Variants in HACD3 observed in about 807,000 individuals in gnomAD.
The protein encoded by HACD3 is 3-hydroxyacyl-CoA dehydratase 3.
HACD3 carries 30 observed loss-of-function variants against 55.2 expected under a neutral mutation model. The ratio of observed to expected loss-of-function variants is 0.54; its 90% CI spans 0.41 to 0.74. The LOEUF is 0.74. Ranked by LOEUF, HACD3 falls within the 30% of genes least tolerant of loss-of-function variation. The pLI is 0.00. For synonymous variants in HACD3, 141 were observed against 151.7 expected (o/e 0.93, Z 0.52); for missense variants, 363 against 440.1 (o/e 0.82, Z 1.57).
intron 5 of HACD3, among the ~76,000 whole-genome samples, chr15:65,559,619 A>C (rs754973934): frequency 2.6e-5 from 4 of 151,872 alleles, no homozygotes; most frequent in Non-Finnish European, 5.9e-5. Context: ...TACCTCAGTC[A>C]GAGCAGCTCT....
At chr15:65,536,757 AAAC>A (rs2071959201) in intron 1 of HACD3, among the ~76,000 whole-genome samples, 1 of 152,090 alleles carries the variant, frequency 6.6e-6, no homozygotes, top group Non-Finnish European at 1.5e-5. Flanking sequence ...CTCAAAAACA[AAAC>A]AAACAAACAA....
chr15:65,559,041 G>A (rs773386585), intron 5 of HACD3, among the ~76,000 whole-genome samples: 2 of 152,158 alleles, frequency 1.3e-5, no homozygotes, highest in Non-Finnish European at 2.9e-5. Context: ...TTGTGGAAAT[G>A]ATTGCATGGA....
intron 1 of HACD3, among the ~76,000 whole-genome samples, chr15:65,551,366 G>C (rs1385667339): frequency 3.3e-5 from 5 of 152,198 alleles, no homozygotes; most frequent in Admixed American, 1.3e-4. Flanking sequence ...CTGTATTCCC[G>C]TGTCATATCT....
intron 5 of HACD3, 106 bp downstream of exon 5, chr15:65,558,837 C>T: frequency 7.3e-7 from 1 of 1,360,916 alleles, no homozygotes; most frequent in Non-Finnish European, 1.0e-6. Context: ...TCCCGGTGAG[C>T]TGTGTGGGTG....
intron 10 of HACD3, among the ~76,000 whole-genome samples, chr15:65,572,914 CAAAAA>C (rs60226731): frequency 9.4e-6 from 1 of 106,420 alleles, no homozygotes; most frequent in African/African-American, 3.0e-5. Flanking sequence ...GACTTTGTCT[CAAAAA>C]AAAAAAAAAA....
rs569486955 is a variant in HACD3 at position 65,570,171 on chromosome 15, G to A, written c.741G>A (p.Val247=). 5.0e-6 allele frequency: 8 copies of A among 1,612,490 alleles called. No individual in the cohort carries two copies. The highest frequency in any genetic ancestry group is 4.0e-5 in the African/African-American group (3 of 74,994). ...AGAACAAAGCTGTGGTTTTCTTTGT[G>A]TTTTATTTGTGGAGTGCAATTGAAA... ...EMQNKAVVFF[V]FYLWSAIEIF... Residue 247 remains valine, a synonymous_variant, in exon 8 of 11, where the codon GTG becomes GTA. Coordinates refer to ENST00000261875, the MANE Select transcript of HACD3 (RefSeq NM_016395.4).
chr15:65,570,484 G>C (rs1301031057), intron 8 of HACD3, among the ~76,000 whole-genome samples: 3 of 152,204 alleles, frequency 2.0e-5, no homozygotes, highest in Non-Finnish European at 4.4e-5. Flanking sequence ...TGCAGTCTTG[G>C]AAAGAGAGGA....
At chr15:65,565,679 G>A (rs1255095310) in intron 7 of HACD3, 1 of 152,242 alleles carries the variant, frequency 6.6e-6, no homozygotes. Flanking sequence ...CCGCGCCTGT[G>A]ATGGGAGGGA....
intron 8 of HACD3, 141 bp downstream of exon 8, chr15:65,570,344 A>T (rs1246943111): frequency 1.6e-6 from 1 of 613,580 alleles, no homozygotes; most frequent in African/African-American, 1.9e-5. Flanking sequence ...GGTTGCACCT[A>T]TGTGCTCTGC....
chr15:65,570,278 A>G, intron 8 of HACD3, 75 bp downstream of exon 8: 3 of 1,095,222 alleles, frequency 2.7e-6, no homozygotes, highest in Non-Finnish European at 4.1e-6. Flanking sequence ...GGGAGTTGTT[A>G]TCTTAGCCAG....
At chr15:65,551,543 A>G (rs1056287252) in intron 1 of HACD3, 133 bp from the exon 2 acceptor site, 9 of 957,924 alleles carry the variant, frequency 9.4e-6, no homozygotes, top group African/African-American at 8.1e-5. Flanking sequence ...ATGACTAAAT[A>G]TATTTCTGGG....
At chr15:65,532,295 C>T (rs2071909123) in intron 1 of HACD3, among the ~76,000 whole-genome samples, 1 of 152,022 alleles carries the variant, frequency 6.6e-6, no homozygotes, top group Non-Finnish European at 1.5e-5. Flanking sequence ...GGATCAAAGT[C>T]CCCGTCTAGA....
chr15:65,568,985 T>C (rs997716189), intron 7 of HACD3, among the ~76,000 whole-genome samples: 29 of 152,128 alleles, frequency 1.9e-4, no homozygotes, highest in African/African-American at 6.5e-4. Flanking sequence ...CGGTGGCTCA[T>C]GCCTGTAATC....
intron 5 of HACD3, among the ~76,000 whole-genome samples, chr15:65,559,034 T>TG (rs2072220836): frequency 6.6e-6 from 1 of 152,196 alleles, no homozygotes; most frequent in Non-Finnish European, 1.5e-5. Context: ...CAGAGACTTG[T>TG]GGAAATGATT....
At chr15:65,558,788 A>G (rs528730162) in intron 5 of HACD3, 57 bp downstream of exon 5, 8 of 1,534,058 alleles carry the variant, frequency 5.2e-6, no homozygotes, top group Non-Finnish European at 6.2e-6. Context: ...TGTTGGAAGT[A>G]TGGATAATTG....
chr15:65,556,280 A>G (rs1342300804), intron 3 of HACD3, among the ~76,000 whole-genome samples: 1 of 152,230 alleles, frequency 6.6e-6, no homozygotes, highest in African/African-American at 2.4e-5. Context: ...TCTTGCAACT[A>G]GACAGTCCCA....
At chr15:65,541,812 A>T (rs1396901633) in intron 1 of HACD3, among the ~76,000 whole-genome samples, 5 of 152,256 alleles carry the variant, frequency 3.3e-5, no homozygotes, top group African/African-American at 1.2e-4. Flanking sequence ...AGTATTATAC[A>T]GCTATAACAA....
intron 3 of HACD3, among the ~76,000 whole-genome samples, chr15:65,555,796 T>C (rs2072183427): frequency 6.6e-6 from 1 of 152,210 alleles, no homozygotes; most frequent in Non-Finnish European, 1.5e-5. Context: ...CTGATCTTGA[T>C]GCAGGTGTTT....
intron 1 of HACD3, among the ~76,000 whole-genome samples, chr15:65,542,227 CA>C (rs527287203): frequency 6.5e-4 from 41 of 63,230 alleles, no homozygotes; most frequent in African/African-American, 1.7e-3. Context: ...GACTCCATCT[CA>C]AAAAAAAAAA....
Sources: allele counts gnomAD v4.1 joint callset (sites outside exome capture counted in the v4.1 genomes callset), GRCh38; gene constraint gnomAD v4.1.1; transcripts MANE v1.5; gene names NCBI Gene and HGNC (gene_info 2026-07-23, HGNC 2026-07-21).